C12orf42: variants seen among roughly 807,000 people sequenced by gnomAD.
C12orf42 encodes the protein uncharacterized protein C12orf42.
In C12orf42, 25 loss-of-function variants were observed where a neutral mutation model predicts 21.6. The ratio of observed to expected loss-of-function variants is 1.16; its 90% CI spans 0.84 to 1.62. The LOEUF (loss-of-function observed/expected upper bound fraction) is 1.62. Ranked by LOEUF, C12orf42 falls within the 40% of genes most tolerant of loss-of-function variation. The pLI is 0.00. For missense variants in C12orf42, 483 were observed against 459.3 expected (o/e 1.05, Z -0.47); for synonymous variants, 174 against 175.0 (o/e 0.99, Z 0.05).
At chr12:103,231,156 T>C in the C12orf42 span, among the ~76,000 whole-genome samples, 1 of 152,224 alleles carries the variant, frequency 6.6e-6, no homozygotes, top group South Asian at 2.1e-4. Flanking sequence ...CCTCACATTT[T>C]ATAGCAATTT....
intron 4 of C12orf42, among the ~76,000 whole-genome samples, chr12:103,358,340 C>T (rs1187541259): frequency 6.6e-6 from 1 of 151,890 alleles, no homozygotes; most frequent in Non-Finnish European, 1.5e-5. Flanking sequence ...TTAATCAAGT[C>T]CTAAGAAGAA....
chr12:103,376,032 T>C (rs566957837), intron 3 of C12orf42, among the ~76,000 whole-genome samples: 14 of 152,332 alleles, frequency 9.2e-5, no homozygotes, highest in African/African-American at 3.4e-4. Context: ...ATTGGCCATA[T>C]ATTGCCTCAA....
intron 2 of C12orf42, among the ~76,000 whole-genome samples, chr12:103,420,819 T>A (rs2139113806): frequency 6.6e-6 from 1 of 152,272 alleles, no homozygotes; most frequent in South Asian, 2.1e-4. Flanking sequence ...GCGCCCAGCC[T>A]GCATGTTTCT....
the C12orf42 span, among the ~76,000 whole-genome samples, chr12:103,199,505 T>A: frequency 6.6e-6 from 1 of 151,868 alleles, no homozygotes; most frequent in Admixed American, 6.6e-5. Flanking sequence ...AAGAATACAG[T>A]CAACAAAATG....
At chr12:103,131,870 G>T in the C12orf42 span, among the ~76,000 whole-genome samples, 14 of 152,132 alleles carry the variant, frequency 9.2e-5, no homozygotes, top group Non-Finnish European at 1.6e-4. Context: ...TGGTGATGGG[G>T]TGATGTTGTC....
At chr12:103,554,809 T>G in the C12orf42 span, among the ~76,000 whole-genome samples, 1 of 152,144 alleles carries the variant, frequency 6.6e-6, no homozygotes, top group Admixed American at 6.5e-5. Context: ...GCTACTAAAC[T>G]GTTAGAAACC....
chr12:103,446,776 A>G (rs1951602203), intron 2 of C12orf42, among the ~76,000 whole-genome samples: 1 of 152,032 alleles, frequency 6.6e-6, no homozygotes, highest in African/African-American at 2.4e-5. Context: ...GGGACATTAT[A>G]CAATGATAAA....
At chr12:103,118,201 G>A in the C12orf42 span, among the ~76,000 whole-genome samples, 2 of 152,160 alleles carry the variant, frequency 1.3e-5, no homozygotes, top group African/African-American at 4.8e-5. Flanking sequence ...GCAAAAATCT[G>A]GAGAACAGGC....
chr12:103,087,062 T>G, the C12orf42 span, among the ~76,000 whole-genome samples: 1 of 152,186 alleles, frequency 6.6e-6, no homozygotes, highest in Non-Finnish European at 1.5e-5. Context: ...TATTTCTGCT[T>G]TCTTTTTTTC....
chr12:103,147,503 C>CTTTTTTTTTTT, the C12orf42 span, among the ~76,000 whole-genome samples: 97 of 99,906 alleles, frequency 9.7e-4, no homozygotes, highest in Non-Finnish European at 1.4e-3. Flanking sequence ...CTTTTTTTTT[C>CTTTTTTTTTTT]TTTTTTTTTT....
At chr12:103,078,205 GACTA>G in the C12orf42 span, among the ~76,000 whole-genome samples, 1 of 152,122 alleles carries the variant, frequency 6.6e-6, no homozygotes, top group Non-Finnish European at 1.5e-5. Context: ...TGCATATGTT[GACTA>G]ACTTAATCCT....
chr12:103,308,857 A>G (rs2136594655), intron 4 of C12orf42, among the ~76,000 whole-genome samples: 1 of 152,350 alleles, frequency 6.6e-6, no homozygotes, highest in African/African-American at 2.4e-5. Flanking sequence ...ATAAGAAAAG[A>G]AAACAGAGAT....
chr12:103,481,310 G>GA (rs1184790743), intron 1 of C12orf42, among the ~76,000 whole-genome samples: 4 of 151,746 alleles, frequency 2.6e-5, no homozygotes, highest in African/African-American at 2.4e-5. Context: ...GTTCTATCAT[G>GA]AAAAAATCCC....
chr12:103,274,894 G>C (rs888101239), intron 5 of C12orf42, among the ~76,000 whole-genome samples: 1 of 152,070 alleles, frequency 6.6e-6, no homozygotes, highest in Non-Finnish European at 1.5e-5. Flanking sequence ...GCTCCTAACT[G>C]ATATGCCAGA....
chr12:103,169,185 TAAA>T, the C12orf42 span, among the ~76,000 whole-genome samples: 4 of 138,192 alleles, frequency 2.9e-5, no homozygotes, highest in Non-Finnish European at 6.5e-5. Context: ...AATAAATAAA[TAAA>T]TAAATAAATA....
chr12:103,502,258 T>C, the C12orf42 span, among the ~76,000 whole-genome samples: 1 of 152,180 alleles, frequency 6.6e-6, no homozygotes, highest in Non-Finnish European at 1.5e-5. Context: ...TCCATTTCAT[T>C]TTAGATGTCA....
At chr12:103,141,540 T>TTTG in the C12orf42 span, among the ~76,000 whole-genome samples, 72 of 149,878 alleles carry the variant, frequency 4.8e-4, no homozygotes, top group Middle Eastern at 3.4e-3. Flanking sequence ...TTTTTTTTTT[T>TTTG]TTTTTTGAGA....
chr12:103,260,748 C>CA (rs2034855505), intron 10 of C12orf42, among the ~76,000 whole-genome samples: 4 of 152,280 alleles, frequency 2.6e-5, no homozygotes, highest in African/African-American at 9.6e-5. Flanking sequence ...CATGCAAATG[C>CA]ATATCTGTTT....
At chr12:103,292,080 T>A (rs770815256) in intron 4 of C12orf42, among the ~76,000 whole-genome samples, 8 of 152,150 alleles carry the variant, frequency 5.3e-5, no homozygotes, top group Non-Finnish European at 8.8e-5. Context: ...AGAATATTAT[T>A]TGGCCATTAA....
Sources: allele counts gnomAD v4.1 joint callset (sites outside exome capture counted in the v4.1 genomes callset), GRCh38; gene constraint gnomAD v4.1.1; transcripts MANE v1.5; gene names NCBI Gene and HGNC (gene_info 2026-07-23, HGNC 2026-07-21).